Variants in PDE4D observed in about 807,000 individuals in gnomAD.
The protein encoded by PDE4D is 3',5'-cyclic-AMP phosphodiesterase 4D.
In PDE4D, 24 loss-of-function variants were observed where a neutral mutation model predicts 87.4. The ratio of observed to expected loss-of-function variants is 0.27; its 90% CI spans 0.20 to 0.39. PDE4D has a LOEUF of 0.39. Ranked by LOEUF, PDE4D falls within the 10% of genes least tolerant of loss-of-function variation. PDE4D has a pLI of 1.00. For synonymous variants in PDE4D, 384 were observed against 383.2 expected (o/e 1.00, Z -0.02); for missense variants, 714 against 1,041.0 (o/e 0.69, Z 4.32).
intron 1 of PDE4D, among the ~76,000 whole-genome samples, chr5:59,499,987 ATC>A (rs1478259605): frequency 1.3e-5 from 2 of 152,180 alleles, no homozygotes; most frequent in African/African-American, 2.4e-5. Context: ...ACATGCCAAT[ATC>A]TCTCTGATGA....
intron 5 of PDE4D, among the ~76,000 whole-genome samples, chr5:59,057,401 C>G (rs1244702474): frequency 2.0e-5 from 3 of 152,134 alleles, no homozygotes; most frequent in African/African-American, 7.2e-5. Flanking sequence ...AAAGCAGTAC[C>G]TATATCACAG....
chr5:59,513,212 A>G (rs1354158098), intron 1 of PDE4D, among the ~76,000 whole-genome samples: 1 of 152,146 alleles, frequency 6.6e-6, no homozygotes, highest in African/African-American at 2.4e-5. Context: ...TATTATTTTT[A>G]CATTTTCTCC....
chr5:59,797,843 C>A (rs182690023), intron 1 of PDE4D, among the ~76,000 whole-genome samples: 124 of 152,210 alleles, frequency 8.1e-4, no homozygotes, highest in Non-Finnish European at 1.5e-3. Flanking sequence ...ATCACCCCAA[C>A]AGAATAGGAA....
chr5:59,318,625 C>T (rs945578247), intron 1 of PDE4D, among the ~76,000 whole-genome samples: 3 of 151,914 alleles, frequency 2.0e-5, no homozygotes, highest in African/African-American at 7.3e-5. Context: ...CACAATAGTA[C>T]ATTTATAGAC....
chr5:59,277,485 G>A (rs1247905254), intron 1 of PDE4D, among the ~76,000 whole-genome samples: 1 of 152,086 alleles, frequency 6.6e-6, no homozygotes, highest in Admixed American at 6.6e-5. Context: ...TTAGGGGAGA[G>A]GGGATTTAGA....
chr5:59,936,531 T>A (rs955492128), intron 3 of PDE4D, among the ~76,000 whole-genome samples: 2 of 152,116 alleles, frequency 1.3e-5, no homozygotes, highest in South Asian at 2.1e-4. Context: ...ATATGATACA[T>A]GAGATGTTCA....
At chr5:60,117,482 T>C (rs1778269672) in intron 2 of PDE4D, among the ~76,000 whole-genome samples, 1 of 152,124 alleles carries the variant, frequency 6.6e-6, no homozygotes, top group African/African-American at 2.4e-5. Flanking sequence ...CAGCTCATAT[T>C]AGACTACAAT....
chr5:59,152,053 G>C (rs767141920), intron 5 of PDE4D, among the ~76,000 whole-genome samples: 4 of 152,346 alleles, frequency 2.6e-5, no homozygotes, highest in Non-Finnish European at 5.9e-5. Flanking sequence ...GTTGACTGCA[G>C]GGTGTGGAAT....
chr5:59,333,406 A>G (rs934562928), intron 1 of PDE4D, among the ~76,000 whole-genome samples: 1 of 152,202 alleles, frequency 6.6e-6, no homozygotes, highest in Non-Finnish European at 1.5e-5. Context: ...AGTTGTGACA[A>G]CCTTCACTTA....
chr5:59,923,617 C>T (rs573848687), intron 3 of PDE4D, among the ~76,000 whole-genome samples: 2 of 152,286 alleles, frequency 1.3e-5, no homozygotes, highest in South Asian at 2.1e-4. Flanking sequence ...GAACACCAAG[C>T]GGGGACACCT....
intron 6 of PDE4D, among the ~76,000 whole-genome samples, chr5:59,024,666 T>G (rs138533313): frequency 0.017 from 2,613 of 152,246 alleles, 31 homozygotes; most frequent in Non-Finnish European, 0.028. Flanking sequence ...GGCCCAAACA[T>G]TATCTTCTGG....
At chr5:59,210,932 T>G (rs1032528596) in intron 2 of PDE4D, among the ~76,000 whole-genome samples, 1 of 152,222 alleles carries the variant, frequency 6.6e-6, no homozygotes, top group Non-Finnish European at 1.5e-5. Context: ...TCTTAATCTT[T>G]GCAATGTATC....
At chr5:60,501,914 A>T (rs926145416) in intron 1 of PDE4D, among the ~76,000 whole-genome samples, 6 of 152,160 alleles carry the variant, frequency 3.9e-5, no homozygotes, top group Non-Finnish European at 8.8e-5. Context: ...CCTTTGTCAG[A>T]TGAATAGATT....
At chr5:60,443,638 T>G (rs373196842) in intron 1 of PDE4D, among the ~76,000 whole-genome samples, 1 of 152,094 alleles carries the variant, frequency 6.6e-6, no homozygotes, top group African/African-American at 2.4e-5. Flanking sequence ...CCACAGGTAA[T>G]GCGATAAAGA....
chr5:60,348,723 A>G (rs1277458104), intron 1 of PDE4D, among the ~76,000 whole-genome samples: 1 of 152,094 alleles, frequency 6.6e-6, no homozygotes. Flanking sequence ...TATTTAAGGA[A>G]TTGATATTAC....
intron 2 of PDE4D, among the ~76,000 whole-genome samples, chr5:60,144,453 T>C (rs1780824230): frequency 6.6e-6 from 1 of 152,204 alleles, no homozygotes; most frequent in Admixed American, 6.5e-5. Flanking sequence ...TGTGAGGGAA[T>C]TGGACAAGGT....
At chr5:60,232,963 A>G (rs1193869746) in intron 1 of PDE4D, among the ~76,000 whole-genome samples, 8 of 151,848 alleles carry the variant, frequency 5.3e-5, no homozygotes, top group African/African-American at 1.9e-4. Context: ...CTACTAATAG[A>G]AAACATTACA....
chr5:59,618,996 C>T (rs973502643), intron 1 of PDE4D, among the ~76,000 whole-genome samples: 1 of 152,110 alleles, frequency 6.6e-6, no homozygotes, highest in South Asian at 2.1e-4. Flanking sequence ...TTATAAATTA[C>T]CCAGTTTTAG....
At chr5:59,900,257 T>A (rs1177558084) in intron 3 of PDE4D, among the ~76,000 whole-genome samples, 2 of 129,658 alleles carry the variant, frequency 1.5e-5, no homozygotes, top group Non-Finnish European at 3.4e-5. Flanking sequence ...AATATATATA[T>A]ATATATACAC....
Sources: gnomAD v4.1 joint callset for allele counts (sites outside exome capture counted in the v4.1 genomes callset) on GRCh38, gnomAD v4.1.1 for gene constraint, MANE v1.5 for transcripts, NCBI Gene and HGNC (gene_info 2026-07-23, HGNC 2026-07-21) for gene names.